Variants in SASH1 observed in about 807,000 individuals in gnomAD.
SASH1 encodes the protein SAM and SH3 domain containing 1.
A neutral mutation model predicts 125.2 loss-of-function variants in SASH1; 44 were observed. The observed-to-expected ratio is 0.35, with a 90% CI of 0.28 to 0.45. The LOEUF (loss-of-function observed/expected upper bound fraction) is 0.45, where lower values mean the gene tolerates loss of function less well. Ranked by LOEUF, SASH1 falls within the 20% of genes least tolerant of loss-of-function variation. The probability of loss-of-function intolerance (pLI) is 1.00; values close to 1 mark genes in which losing one functional copy is unlikely to be tolerated. For synonymous variants in SASH1, 639 were observed against 649.1 expected, an observed-to-expected ratio of 0.98 and a Z score of 0.24; for missense variants, 1,426 against 1,614.5, an observed-to-expected ratio of 0.88 and a Z score of 2.00.
At chr6:148,334,861 C>T (rs1294610102) in intron 1 of SASH1, among the ~76,000 whole-genome samples, 4 of 150,292 alleles carry the variant, frequency 2.7e-5, no homozygotes, top group Non-Finnish European at 5.9e-5. Context: ...GTAATTCCAG[C>T]TACTCGGGAG....
At chr6:148,307,070 T>C (rs1336439835) in intron 1 of SASH1, among the ~76,000 whole-genome samples, 1 of 146,274 alleles carries the variant, frequency 6.8e-6, no homozygotes, top group African/African-American at 2.6e-5. Context: ...CTTTCTTTCT[T>C]TCTTTCTTTC....
chr6:148,444,322 C>G (rs1441780139), intron 4 of SASH1, among the ~76,000 whole-genome samples: 1 of 152,178 alleles, frequency 6.6e-6, no homozygotes, highest in East Asian at 1.9e-4. Flanking sequence ...TTTAAAGTCT[C>G]AAGTCACAGG....
chr6:148,414,631 T>A (rs1429408254), intron 2 of SASH1, among the ~76,000 whole-genome samples: 7 of 152,216 alleles, frequency 4.6e-5, no homozygotes, highest in Non-Finnish European at 1.0e-4. Flanking sequence ...GGGAAGTGGG[T>A]AGTGTCTGCT....
chr6:148,261,657 C>G, the SASH1 span, among the ~76,000 whole-genome samples: 1 of 152,146 alleles, frequency 6.6e-6, no homozygotes, highest in Non-Finnish European at 1.5e-5. Flanking sequence ...GCCACCAGCC[C>G]ATATCTTTGG....
At chr6:148,466,957 G>A (rs1378062141) in intron 4 of SASH1, among the ~76,000 whole-genome samples, 1 of 152,078 alleles carries the variant, frequency 6.6e-6, no homozygotes, top group Admixed American at 6.6e-5. Flanking sequence ...CCAAGTGTCT[G>A]TGTCTCTTCT....
rs371101992 is a variant in SASH1 at position 148,519,276 on chromosome 6, A to G, written c.863-271A>G. On this transcript the variant is annotated intron_variant, in intron 9 of 19. Coordinates refer to ENST00000367467, the MANE Select transcript of SASH1 (RefSeq NM_015278.5). This position sits in a 1 kb window ranked among gnomAD's most constrained non-coding sequence, Gnocchi z 4.8. ...CATATTGTGATTATGGCTAGCTTAG[A>G]TTTTGCAAACGGCATTTTAAATACG... Among the ~76,000 whole-genome samples the G allele has an allele frequency of 2.6e-5, 4 of 152,304 alleles. No individual in the cohort carries two copies. The highest frequency in any genetic ancestry group is 4.8e-5 in the African/African-American group (2 of 41,562).
chr6:148,358,871 GACT>G (rs1314134182), intron 1 of SASH1, among the ~76,000 whole-genome samples: 10 of 151,624 alleles, frequency 6.6e-5, no homozygotes, highest in Non-Finnish European at 1.5e-4. Context: ...GAGTAGCTGG[GACT>G]ACAAGCACCC....
rs367995050 is a variant in SASH1 at position 148,502,982 on chromosome 6, T to C, written c.730-11342T>C. 3.0e-4 allele frequency among the ~76,000 whole-genome samples: 45 copies of C among 152,358 alleles called. No homozygotes were observed. In the South Asian group the frequency reaches 9.1e-3, roughly 31 times the overall value. Reference sequence around the variant, plus strand: ...CATTAATCATATTTCTGAACTTCTCTTGGGGCTGTCCCTACCCTCAGACGT... The same window carrying C: ...CATTAATCATATTTCTGAACTTCTCCTGGGGCTGTCCCTACCCTCAGACGT... On this transcript the variant is annotated intron_variant, in intron 8 of 19. Transcript: ENST00000367467.
chr6:148,440,893 G>A (rs1583164099), intron 4 of SASH1, among the ~76,000 whole-genome samples: 2 of 152,062 alleles, frequency 1.3e-5, no homozygotes, highest in Non-Finnish European at 2.9e-5. Flanking sequence ...GATCCCTAGC[G>A]TTTCCTGTTA....
rs1782876512 is a variant in SASH1 at position 148,551,512 on chromosome 6, C to A, written c.*2954C>A. The A allele has an allele frequency of 6.6e-6, 1 of 152,116 alleles. No homozygotes were observed. Among genetic ancestry groups the A allele is most frequent in the Admixed American group, 6.6e-5 (1 of 15,262 alleles). The allele number at this position is 152,116 out of a possible 1,614,324, so 9.4% of individuals were successfully genotyped here. On this transcript the variant is annotated 3_prime_UTR_variant, in exon 20 of 20. Coordinates refer to ENST00000367467, the MANE Select transcript of SASH1 (RefSeq NM_015278.5). ...TCATGGCCTTGCCTTAGTCAGAGGC[C>A]CTTTTCTCTGTCCTGAACCCCCAGG...
chr6:148,387,570 TTC>T (rs1283466793), intron 1 of SASH1, among the ~76,000 whole-genome samples: 5 of 4,972 alleles, frequency 1.0e-3, no homozygotes, highest in African/African-American at 6.5e-3. Context: ...TCTTTTCTCT[TTC>T]TTTCTTTCTT....
chr6:148,284,354 G>A (rs943254753), intron 1 of SASH1, among the ~76,000 whole-genome samples: 93 of 152,050 alleles, frequency 6.1e-4, no homozygotes, highest in African/African-American at 2.1e-3. Flanking sequence ...CATGAGAATC[G>A]CTTGAACCCA....
At chr6:148,302,309 C>T (rs1281258613) in intron 1 of SASH1, among the ~76,000 whole-genome samples, 2 of 40,532 alleles carry the variant, frequency 4.9e-5, no homozygotes, top group African/African-American at 9.8e-5. Context: ...AAGACTCCGT[C>T]TCAAAAAAAA....
intron 17 of SASH1, among the ~76,000 whole-genome samples, chr6:148,543,328 A>G (rs1254508837): frequency 2.6e-5 from 4 of 152,182 alleles, no homozygotes; most frequent in African/African-American, 9.7e-5. Context: ...AACAAATCTC[A>G]TCAATATGCG....
intron 1 of SASH1, among the ~76,000 whole-genome samples, chr6:148,333,225 ACT>A (rs1781044153): frequency 6.6e-6 from 1 of 151,542 alleles, no homozygotes; most frequent in Non-Finnish European, 1.5e-5. Context: ...ACATAGGGAG[ACT>A]CTGTGTCTAC....
intron 1 of SASH1, among the ~76,000 whole-genome samples, chr6:148,343,477 C>A (rs1310959918): frequency 6.6e-6 from 1 of 152,198 alleles, no homozygotes; most frequent in African/African-American, 2.4e-5. Context: ...TAATCTGGGA[C>A]ACCTGCTGAC....
intron 1 of SASH1, among the ~76,000 whole-genome samples, chr6:148,316,912 G>A (rs1780492744): frequency 6.6e-6 from 1 of 152,172 alleles, no homozygotes; most frequent in Non-Finnish European, 1.5e-5. Flanking sequence ...TCATATATGA[G>A]CTACTGAAAT....
chr6:148,319,093 C>T (rs752167648), intron 1 of SASH1, among the ~76,000 whole-genome samples: 22 of 120,078 alleles, frequency 1.8e-4, no homozygotes, highest in Non-Finnish European at 3.2e-4. Flanking sequence ...AGTGCAGTGG[C>T]GCGATCTCGG....
At chr6:148,481,944 T>C (rs977802433) in intron 7 of SASH1, among the ~76,000 whole-genome samples, 1 of 152,222 alleles carries the variant, frequency 6.6e-6, no homozygotes, top group Non-Finnish European at 1.5e-5. Flanking sequence ...GTTTCTGTGA[T>C]GTGCAGTGAA....
Sources: gnomAD v4.1 joint callset for allele counts (sites outside exome capture counted in the v4.1 genomes callset) on GRCh38, gnomAD v4.1.1 for gene constraint, Gnocchi (gnomAD v3.1) non-coding constraint, MANE v1.5 for transcripts, NCBI Gene and HGNC (gene_info 2026-07-23, HGNC 2026-07-21) for gene names.